NLGN1: variants seen among roughly 807,000 people sequenced by gnomAD.
NLGN1 encodes the protein neuroligin 1, also known as neuroligin-1.
In NLGN1, 12 loss-of-function variants were observed where a neutral mutation model predicts 65.5. The ratio of observed to expected loss-of-function variants is 0.18; its 90% CI spans 0.12 to 0.30. The LOEUF is 0.30. Ranked by LOEUF, NLGN1 falls within the 10% of genes least tolerant of loss-of-function variation. NLGN1 has a pLI of 1.00. For missense variants in NLGN1, 750 were observed against 1,007.1 expected (o/e 0.74, Z 3.46); for synonymous variants, 350 against 359.5 (o/e 0.97, Z 0.30).
chr3:173,725,156 A>G (rs1578138901), intron 3 of NLGN1, among the ~76,000 whole-genome samples: 1 of 152,294 alleles, frequency 6.6e-6, no homozygotes, highest in East Asian at 1.9e-4. Flanking sequence ...GTGCACATGT[A>G]CCCTAGAACT....
intron 3 of NLGN1, among the ~76,000 whole-genome samples, chr3:173,776,246 C>G (rs1402649464): frequency 6.6e-6 from 1 of 151,978 alleles, no homozygotes; most frequent in Non-Finnish European, 1.5e-5. Context: ...TACCACCTAT[C>G]ATCTGCAAAC....
intron 4 of NLGN1, among the ~76,000 whole-genome samples, chr3:173,947,146 C>G (rs1747333837): frequency 6.7e-6 from 1 of 149,606 alleles, no homozygotes; most frequent in Non-Finnish European, 1.5e-5. Flanking sequence ...ACCGCAACCT[C>G]TGCCTCCCGG....
chr3:173,469,560 G>A (rs749371200), intron 2 of NLGN1, among the ~76,000 whole-genome samples: 17 of 151,876 alleles, frequency 1.1e-4, no homozygotes, highest in African/African-American at 2.7e-4. Flanking sequence ...TAAGGCAGAT[G>A]GATGCTAACT....
chr3:173,498,802 C>A (rs912592285), intron 2 of NLGN1, among the ~76,000 whole-genome samples: 2 of 151,792 alleles, frequency 1.3e-5, no homozygotes, highest in African/African-American at 4.9e-5. Context: ...CTCTGATGGC[C>A]AGTGATGATG....
intron 4 of NLGN1, among the ~76,000 whole-genome samples, chr3:174,264,161 C>A (rs1264851): frequency 0.13 from 19,064 of 144,994 alleles, 1,270 homozygotes; most frequent in African/African-American, 0.16. Context: ...AATTATGTGT[C>A]TTGGAGTTGC....
rs1740457428 is a variant in NLGN1 at position 174,230,292 on chromosome 3, T to C, written c.647-45023T>C. 2.0e-5 allele frequency among the ~76,000 whole-genome samples: 3 copies of C among 152,136 alleles called. No individual in the cohort carries two copies. In the South Asian group the frequency reaches 6.2e-4, roughly 32 times the overall value. On this transcript the variant is annotated intron_variant, in intron 4 of 6. Transcript: ENST00000457714. ...TTTAATCATGAACTCTTAAACTTATTTGTGAAAAACATGTAATTTCATTAA... is the reference window on the plus strand; with the variant it reads ...TTTAATCATGAACTCTTAAACTTATCTGTGAAAAACATGTAATTTCATTAA...
At chr3:173,718,704 T>C (rs1441605901) in intron 3 of NLGN1, among the ~76,000 whole-genome samples, 1 of 152,226 alleles carries the variant, frequency 6.6e-6, no homozygotes, top group Non-Finnish European at 1.5e-5. Flanking sequence ...GGCCAATAGA[T>C]GCATCATCTA....
At chr3:173,876,621 A>G (rs939227585) in intron 4 of NLGN1, among the ~76,000 whole-genome samples, 3 of 152,166 alleles carry the variant, frequency 2.0e-5, no homozygotes, top group Admixed American at 1.3e-4. Flanking sequence ...AGCCTGGGGC[A>G]TCTTTTGTTG....
chr3:174,174,882 T>C (rs9863357), intron 4 of NLGN1, among the ~76,000 whole-genome samples: 14,155 of 152,048 alleles, frequency 0.093, 1,305 homozygotes, highest in African/African-American at 0.24. Context: ...ATTTTTCAAT[T>C]TCCTTCTTAA....
intron 3 of NLGN1, among the ~76,000 whole-genome samples, chr3:173,611,355 A>G (rs796249431): frequency 8.5e-5 from 13 of 152,168 alleles, no homozygotes; most frequent in African/African-American, 2.6e-4. Flanking sequence ...TTGTTGGCCA[A>G]CTGTTTCCTT....
At chr3:173,597,683 T>A (rs1176721917) in intron 2 of NLGN1, among the ~76,000 whole-genome samples, 6 of 85,508 alleles carry the variant, frequency 7.0e-5, no homozygotes, top group African/African-American at 2.7e-4. Context: ...AAAATTTATG[T>A]AGGAATATAC....
At chr3:173,425,962 A>G (rs866240380) in intron 1 of NLGN1, among the ~76,000 whole-genome samples, 23 of 152,166 alleles carry the variant, frequency 1.5e-4, no homozygotes, top group Admixed American at 1.3e-4. Flanking sequence ...CTCCAGGAAC[A>G]TGATATGTCT....
intron 2 of NLGN1, among the ~76,000 whole-genome samples, chr3:173,537,871 G>C (rs1377352182): frequency 6.6e-6 from 1 of 152,138 alleles, no homozygotes; most frequent in East Asian, 1.9e-4. Flanking sequence ...TTGCACTCCA[G>C]TTTTCCTTTG....
chr3:174,093,873 C>T (rs1454935327), intron 4 of NLGN1, among the ~76,000 whole-genome samples: 2 of 152,286 alleles, frequency 1.3e-5, no homozygotes, highest in East Asian at 1.9e-4. Context: ...GTGTTTCAGA[C>T]ATTTCCTTTT....
intron 2 of NLGN1, among the ~76,000 whole-genome samples, chr3:173,457,848 A>G (rs774508733): frequency 7.2e-5 from 11 of 152,052 alleles, no homozygotes; most frequent in African/African-American, 1.9e-4. Flanking sequence ...CAAGATTGGC[A>G]TTTATGCAAG....
chr3:174,276,221 C>A (rs1750535506), intron 5 of NLGN1, among the ~76,000 whole-genome samples: 1 of 151,780 alleles, frequency 6.6e-6, no homozygotes, highest in Admixed American at 6.6e-5. Flanking sequence ...TTTCTCGTTT[C>A]CATTTTCTGG....
At chr3:173,914,609 A>G (rs978151302) in intron 4 of NLGN1, among the ~76,000 whole-genome samples, 2 of 152,146 alleles carry the variant, frequency 1.3e-5, no homozygotes, top group African/African-American at 4.8e-5. Flanking sequence ...GACCAAGTAC[A>G]AGGTAGAGAA....
At position 173,504,109 on chromosome 3, in the gene NLGN1, C is replaced by A. The variant is rs567927055; in HGVS notation, c.-321+69031C>A. Among the ~76,000 whole-genome samples, 4 of 151,982 alleles carry A rather than the reference C, an allele frequency of 2.6e-5. No homozygotes were observed. The East Asian group carries it at 7.7e-4, about 29-fold the overall frequency. On this transcript the variant is annotated intron_variant, in intron 2 of 6. Coordinates refer to ENST00000457714, the Ensembl canonical transcript of NLGN1. ...TAATCAACTTTAGTTATGAATAATG[C>A]CTCCCTTCAGAAGATTTAGAAAAAT...
chr3:174,187,541 G>A (rs1033656230), intron 4 of NLGN1, among the ~76,000 whole-genome samples: 1 of 151,968 alleles, frequency 6.6e-6, no homozygotes, highest in Non-Finnish European at 1.5e-5. Flanking sequence ...TATGGATGAC[G>A]TGGATTCTGT....
Sources: gnomAD v4.1 joint callset for allele counts (sites outside exome capture counted in the v4.1 genomes callset) on GRCh38, gnomAD v4.1.1 for gene constraint, MANE v1.5 for transcripts, NCBI Gene and HGNC (gene_info 2026-07-23, HGNC 2026-07-21) for gene names.